Variants in TRAF3 observed in about 807,000 individuals in gnomAD.
The protein encoded by TRAF3 is TNF receptor-associated factor 3.
A neutral mutation model predicts 62.3 loss-of-function variants in TRAF3; 13 were observed. That is an observed-to-expected ratio of 0.21 (90% CI 0.14 to 0.33). TRAF3 has a LOEUF of 0.33. Among genes scored for constraint, TRAF3 ranks in the 10% least tolerant of loss-of-function variants. TRAF3 has a pLI of 1.00. For synonymous variants in TRAF3, 269 were observed against 283.4 expected (o/e 0.95, Z 0.51); for missense variants, 440 against 741.8 (o/e 0.59, Z 4.73).
At chr14:102,813,686 G>A (rs2139534873) in intron 1 of TRAF3, among the ~76,000 whole-genome samples, 1 of 152,004 alleles carries the variant, frequency 6.6e-6, no homozygotes, top group East Asian at 1.9e-4. Flanking sequence ...CCTGACCTCA[G>A]TTGATCCACC....
intron 2 of TRAF3, among the ~76,000 whole-genome samples, chr14:102,856,202 T>C (rs1039411569): frequency 1.3e-5 from 2 of 152,166 alleles, no homozygotes; most frequent in Non-Finnish European, 2.9e-5. Flanking sequence ...AAAGCAAGTT[T>C]ATTAAGAAAG....
chr14:102,785,288 T>C (rs1897440363), intron 1 of TRAF3, among the ~76,000 whole-genome samples: 1 of 152,226 alleles, frequency 6.6e-6, no homozygotes, highest in Admixed American at 6.5e-5. Context: ...GTTCCTTTCT[T>C]ACAGCAGCCT....
At chr14:102,839,210 C>CG (rs1310697452) in intron 2 of TRAF3, among the ~76,000 whole-genome samples, 1 of 89,836 alleles carries the variant, frequency 1.1e-5, no homozygotes, top group Non-Finnish European at 2.2e-5. Flanking sequence ...GTTGATTTGC[C>CG]TTTTTTTTTT....
At chr14:102,814,546 G>A (rs1899399850) in intron 1 of TRAF3, among the ~76,000 whole-genome samples, 1 of 152,212 alleles carries the variant, frequency 6.6e-6, no homozygotes, top group South Asian at 2.1e-4. Flanking sequence ...CCAAGACAGG[G>A]TCTCACTTCG....
intron 1 of TRAF3, among the ~76,000 whole-genome samples, chr14:102,829,608 G>T (rs149741548): frequency 2.2e-3 from 338 of 152,296 alleles, no homozygotes; most frequent in African/African-American, 7.7e-3. Context: ...GTGCTGGTGG[G>T]CTCCTGGCAC....
chr14:102,793,029 C>T (rs776798655), intron 1 of TRAF3, among the ~76,000 whole-genome samples: 3 of 151,758 alleles, frequency 2.0e-5, no homozygotes, highest in Non-Finnish European at 2.9e-5. Flanking sequence ...AGGCTGGTCT[C>T]GAACACGTGG....
chr14:102,813,216 C>T (rs1442606101), intron 1 of TRAF3, among the ~76,000 whole-genome samples: 4 of 42,138 alleles, frequency 9.5e-5, no homozygotes, highest in African/African-American at 1.6e-4. Context: ...CTCAGATAAT[C>T]CGCCCGCCTC....
intron 1 of TRAF3, among the ~76,000 whole-genome samples, chr14:102,784,359 A>G (rs1897393592): frequency 6.6e-6 from 1 of 151,168 alleles, no homozygotes; most frequent in Non-Finnish European, 1.5e-5. Context: ...AGTAGCTGGG[A>G]TTACAGGCAC....
chr14:102,890,157 T>C (rs1399556615), intron 8 of TRAF3, among the ~76,000 whole-genome samples: 1 of 152,118 alleles, frequency 6.6e-6, no homozygotes, highest in East Asian at 1.9e-4. Flanking sequence ...CCGAGAACAG[T>C]GTGGGGAGGG....
intron 9 of TRAF3, 74 bp downstream of exon 9, chr14:102,891,491 G>T: frequency 6.7e-7 from 1 of 1,487,066 alleles, no homozygotes; most frequent in Non-Finnish European, 9.1e-7. Context: ...AAACCTTTTT[G>T]TAGTTATTAA....
intron 2 of TRAF3, among the ~76,000 whole-genome samples, chr14:102,833,379 T>C (rs7147531): frequency 0.42 from 64,201 of 152,178 alleles, 18,733 homozygotes; most frequent in African/African-American, 0.83. Flanking sequence ...TTATTGAATA[T>C]TTCTATTTTC....
At chr14:102,849,206 G>GTTGAC (rs748028306) in intron 2 of TRAF3, among the ~76,000 whole-genome samples, 2 of 152,224 alleles carry the variant, frequency 1.3e-5, no homozygotes, top group African/African-American at 2.4e-5. Context: ...TTCAAATACA[G>GTTGAC]TTGACACTCC....
At chr14:102,793,135 T>C (rs950680579) in intron 1 of TRAF3, among the ~76,000 whole-genome samples, 1 of 151,844 alleles carries the variant, frequency 6.6e-6, no homozygotes, top group Admixed American at 6.6e-5. Flanking sequence ...CTTGTGATAT[T>C]TTTGACTTCG....
intron 1 of TRAF3, among the ~76,000 whole-genome samples, chr14:102,782,717 T>A (rs988209802): frequency 1.3e-5 from 2 of 150,952 alleles, no homozygotes; most frequent in East Asian, 1.9e-4. Flanking sequence ...AAAAAAAAAA[T>A]TAAATGGAGG....
Position 102,870,511 on chromosome 14 carries a change from A to C in TRAF3, c.245+65A>C, listed in dbSNP as rs993522886. The C allele has an allele frequency of 2.4e-5, 38 of 1,587,812 alleles. No homozygotes were observed. In the East Asian group the frequency reaches 2.9e-4, roughly 12 times the overall value. ...AGCCCTCGGCCTCACCCTCTCCTTC[A>C]TTCGTTTCTCTAAAAATAAACCTCT... On this transcript the variant is annotated intron_variant, in intron 3 of 11. Coordinates refer to ENST00000392745, the MANE Select transcript of TRAF3 (RefSeq NM_145725.3).
intron 1 of TRAF3, among the ~76,000 whole-genome samples, chr14:102,822,243 G>T (rs1336491341): frequency 3.3e-5 from 5 of 152,096 alleles, no homozygotes; most frequent in Admixed American, 2.6e-4. Flanking sequence ...CAATGGGAAG[G>T]CTCCATTAGC....
At chr14:102,821,624 A>G (rs1345038010) in intron 1 of TRAF3, among the ~76,000 whole-genome samples, 1 of 152,220 alleles carries the variant, frequency 6.6e-6, no homozygotes, top group East Asian at 1.9e-4. Flanking sequence ...CAGATGTATT[A>G]TGTTTATGGA....
intron 2 of TRAF3, among the ~76,000 whole-genome samples, chr14:102,863,721 G>A (rs140970640): frequency 6.6e-6 from 1 of 152,246 alleles, no homozygotes; most frequent in African/African-American, 2.4e-5. Context: ...TAAATCTATT[G>A]TTTGCCTCAA....
chr14:102,806,681 C>T (rs1004638075), intron 1 of TRAF3, among the ~76,000 whole-genome samples: 14 of 152,138 alleles, frequency 9.2e-5, no homozygotes, highest in Admixed American at 9.2e-4. Flanking sequence ...TGTTCTAAGG[C>T]AGACCTTGAA....
Sources: gnomAD v4.1 joint callset for allele counts (sites outside exome capture counted in the v4.1 genomes callset) on GRCh38, gnomAD v4.1.1 for gene constraint, MANE v1.5 for transcripts, NCBI Gene and HGNC (gene_info 2026-07-23, HGNC 2026-07-21) for gene names.